Variants in PDE8A observed in about 807,000 individuals in gnomAD.
PDE8A encodes high affinity cAMP-specific and IBMX-insensitive 3',5'-cyclic phosphodiesterase 8A.
PDE8A carries 59 observed loss-of-function variants against 105.0 expected under a neutral mutation model. The observed-to-expected ratio is 0.56, with a 90% confidence interval of 0.46 to 0.70. PDE8A has a LOEUF of 0.70. PDE8A is among the 30% of genes least tolerant of loss of function. The pLI is 0.00. For missense variants in PDE8A, 1,014 were observed against 1,045.9 expected, an observed-to-expected ratio of 0.97 and a Z score of 0.42; for synonymous variants, 355 against 371.9, an observed-to-expected ratio of 0.95 and a Z score of 0.52.
intron 1 of PDE8A, among the ~76,000 whole-genome samples, chr15:85,035,137 A>C (rs1465250914): frequency 7.3e-5 from 11 of 151,292 alleles, no homozygotes; most frequent in Admixed American, 6.6e-4. Flanking sequence ...AGCAACTCAA[A>C]ACCTGGTATT....
chr15:85,054,259 G>A (rs1350438884), intron 1 of PDE8A, among the ~76,000 whole-genome samples: 3 of 152,114 alleles, frequency 2.0e-5, no homozygotes, highest in Non-Finnish European at 4.4e-5. Context: ...TGTTCATCAG[G>A]GATATTGGTC....
intron 20 of PDE8A, 103 bp from the exon 21 acceptor site, chr15:85,136,431 C>G: frequency 7.9e-7 from 1 of 1,261,736 alleles, no homozygotes; most frequent in South Asian, 1.4e-5. Flanking sequence ...CCATGACAAG[C>G]CACCTTAGGC....
intron 1 of PDE8A, among the ~76,000 whole-genome samples, chr15:85,003,694 GAGA>G (rs2080101289): frequency 6.6e-6 from 1 of 152,214 alleles, no homozygotes; most frequent in South Asian, 2.1e-4. Context: ...TGTTTGCTAA[GAGA>G]AGAATAGGTA....
intron 1 of PDE8A, among the ~76,000 whole-genome samples, chr15:85,048,559 C>T (rs971928256): frequency 6.6e-6 from 1 of 152,160 alleles, no homozygotes; most frequent in African/African-American, 2.4e-5. Context: ...AAATGATTTT[C>T]TTTCTCTTCT....
Position 85,117,880 on chromosome 15 carries a change from A to G in PDE8A, c.1734+41A>G, listed in dbSNP as rs768043676. 8 of 1,469,602 alleles carry G rather than the reference A, an allele frequency of 5.4e-6. 1 individual carries two copies. In the South Asian group the frequency reaches 6.8e-5, roughly 12 times the overall value. The allele number at this position is 1,469,602 out of a possible 1,614,324, so 91.0% of individuals were successfully genotyped here. ...CCTGCCACATTTAATGGGCAGGAGC[A>G]GTGGGGAGAGTCTAGTGCTTCTGCC... On this transcript the variant is annotated intron_variant, in intron 17 of 21. Coordinates refer to ENST00000394553, the MANE Select transcript of PDE8A (RefSeq NM_002605.3).
At chr15:85,099,161 G>C (rs16974844) in intron 9 of PDE8A, among the ~76,000 whole-genome samples, 12,408 of 152,234 alleles carry the variant, frequency 0.082, 1,397 homozygotes, top group African/African-American at 0.25. Context: ...TTCTCAATGT[G>C]TGGTAAATGC....
At chr15:85,094,614 T>A (rs2081709826) in intron 8 of PDE8A, among the ~76,000 whole-genome samples, 1 of 152,232 alleles carries the variant, frequency 6.6e-6, no homozygotes, top group Admixed American at 6.5e-5. Context: ...CTGCTGTCTC[T>A]GCTCATGGAC....
chr15:85,136,421 C>T (rs562182376), intron 20 of PDE8A, 113 bp from the exon 21 acceptor site: 6 of 1,126,892 alleles, frequency 5.3e-6, no homozygotes, highest in Non-Finnish European at 7.6e-6. Context: ...TGGCTTCTCA[C>T]CATGACAAGC....
intron 3 of PDE8A, 123 bp from the exon 4 acceptor site, chr15:85,075,739 T>C (rs2081371226): frequency 3.5e-6 from 2 of 564,618 alleles, no homozygotes; most frequent in African/African-American, 1.9e-5. Flanking sequence ...ATTCAGAGAG[T>C]GAGGGGATCA....
intron 1 of PDE8A, among the ~76,000 whole-genome samples, chr15:85,007,539 G>A (rs766277365): frequency 4.0e-5 from 6 of 151,866 alleles, no homozygotes; most frequent in Non-Finnish European, 7.4e-5. Flanking sequence ...TCAATAAAAT[G>A]TAAAAAATAA....
intron 1 of PDE8A, among the ~76,000 whole-genome samples, chr15:85,026,060 C>T (rs182202842): frequency 1.1e-4 from 17 of 152,284 alleles, no homozygotes; most frequent in Admixed American, 1.0e-3. Context: ...AATTAGTGAC[C>T]TCTGAACCCG....
intron 1 of PDE8A, among the ~76,000 whole-genome samples, chr15:84,983,442 A>G (rs557512998): frequency 6.6e-6 from 1 of 152,328 alleles, no homozygotes; most frequent in South Asian, 2.1e-4. Context: ...TCTGTCTTAC[A>G]TTTCTAGCAG....
At chr15:85,086,937 A>G (rs751729839) in intron 6 of PDE8A, among the ~76,000 whole-genome samples, 2 of 150,152 alleles carry the variant, frequency 1.3e-5, no homozygotes, top group Non-Finnish European at 3.0e-5. Context: ...TTGTTATTGT[A>G]TTTTTTAGTA....
intron 1 of PDE8A, among the ~76,000 whole-genome samples, chr15:84,991,700 A>G (rs964110492): frequency 6.6e-6 from 1 of 152,270 alleles, no homozygotes; most frequent in African/African-American, 2.4e-5. Flanking sequence ...TCCATTAACA[A>G]CATAATGGAT....
Position 84,982,296 on chromosome 15 carries a change from C to G in PDE8A, c.134C>G (p.Thr45Ser). The change falls in exon 1 of 22, where the codon ACC becomes AGC. Residue 45 changes from threonine to serine, a missense_variant. Physicochemically the swap from Thr to Ser is moderately conservative, Grantham distance 58. Coordinates refer to ENST00000394553, the MANE Select transcript of PDE8A (RefSeq NM_002605.3). ...QGQKTAALPRTRGAGLLESEL... is the reference protein window; with the variant it reads ...QGQKTAALPRSRGAGLLESEL... The stretch of plus-strand genomic sequence containing the variant: ...CAGAAGACGGCCGCCTTGCCCCGGA[C>G]CCGCGGCGCCGGCCTCTTGGAGTCG... 1 of 1,377,332 alleles carries G rather than the reference C, an allele frequency of 7.3e-7. No homozygotes were observed. Among genetic ancestry groups the G allele is most frequent in the South Asian group, 1.7e-5 (1 of 59,242 alleles). 85.3% of individuals were successfully genotyped at this position (1,377,332 alleles called of 1,614,324 possible).
chr15:85,120,706 C>T, intron 17 of PDE8A, 91 bp from the exon 18 acceptor site: 1 of 760,668 alleles, frequency 1.3e-6, no homozygotes, highest in East Asian at 2.5e-5. Flanking sequence ...ATATTCTTAC[C>T]TGAAAGTAAT....
intron 8 of PDE8A, among the ~76,000 whole-genome samples, chr15:85,096,991 A>G (rs978387026): frequency 2.0e-5 from 3 of 152,148 alleles, no homozygotes; most frequent in African/African-American, 4.8e-5. Flanking sequence ...ATTGACCTGG[A>G]GTAGGGCTCT....
rs757492537 is a variant in PDE8A at position 85,091,193 on chromosome 15, G to A, written c.852+12G>A. The A allele has an allele frequency of 6.3e-7, 1 of 1,585,278 alleles. No individual in the cohort carries two copies. The highest frequency in any genetic ancestry group is 1.8e-5 in the Admixed American group (1 of 54,124). On this transcript the variant is annotated intron_variant, in intron 8 of 21. Coordinates refer to ENST00000394553, the MANE Select transcript of PDE8A (RefSeq NM_002605.3). Reference sequence around the variant, plus strand: ...TCAGGATAGGCAAGGTAAGTAAGAGGTCAGTGCCTTTTTTAACTTTCACAA... The same window carrying A: ...TCAGGATAGGCAAGGTAAGTAAGAGATCAGTGCCTTTTTTAACTTTCACAA...
At chr15:85,017,753 G>C (rs1462175670) in intron 1 of PDE8A, among the ~76,000 whole-genome samples, 4 of 151,938 alleles carry the variant, frequency 2.6e-5, no homozygotes, top group Non-Finnish European at 5.9e-5. Context: ...CGGGTGTGGT[G>C]GTGGGCACCT....
Sources: allele counts gnomAD v4.1 joint callset (sites outside exome capture counted in the v4.1 genomes callset), GRCh38; gene constraint gnomAD v4.1.1; transcripts MANE v1.5; gene names NCBI Gene and HGNC (gene_info 2026-07-23, HGNC 2026-07-21).